The following CUL3 variants were observed in gnomAD, a reference collection of about 807,000 sequenced individuals.
The protein encoded by CUL3 is cullin 3, also known as cullin-3.
A neutral mutation model predicts 89.1 loss-of-function variants in CUL3; 19 were observed. The ratio of observed to expected loss-of-function variants is 0.21; its 90% CI spans 0.15 to 0.31. CUL3 has a LOEUF of 0.31. CUL3 is among the 10% of genes least tolerant of loss of function. The pLI is 1.00. For missense variants in CUL3, 469 were observed against 942.3 expected, an observed-to-expected ratio of 0.50 and a Z score of 6.58; for synonymous variants, 351 against 308.4, an observed-to-expected ratio of 1.14 and a Z score of -1.45.
chr2:224,511,630 G>A, intron 5 of CUL3, 48 bp from the exon 6 acceptor site: 1 of 1,128,986 alleles, frequency 8.9e-7, no homozygotes, highest in South Asian at 1.6e-5. Context: ...AGAAAAGAGT[G>A]TTTTTGCTTT....
At chr2:224,490,360 G>A (rs796837185) in intron 13 of CUL3, among the ~76,000 whole-genome samples, 1 of 152,058 alleles carries the variant, frequency 6.6e-6, no homozygotes, top group South Asian at 2.1e-4. Flanking sequence ...ACAGGGAAGG[G>A]CCCCCTGGCT....
chr2:224,481,778 G>C, intron 14 of CUL3, 114 bp downstream of exon 14: 1 of 650,160 alleles, frequency 1.5e-6, no homozygotes, highest in Admixed American at 4.0e-5. Flanking sequence ...TTAAGCCTAA[G>C]TATCATGCAG....
intron 1 of CUL3, among the ~76,000 whole-genome samples, chr2:224,578,186 A>T (rs955845568): frequency 2.6e-5 from 4 of 152,206 alleles, no homozygotes; most frequent in Admixed American, 2.0e-4. Flanking sequence ...TATGTGTCTA[A>T]ATAGTCATAG....
intron 13 of CUL3, among the ~76,000 whole-genome samples, chr2:224,484,974 C>T (rs1188474738): frequency 6.6e-6 from 1 of 152,096 alleles, no homozygotes; most frequent in Non-Finnish European, 1.5e-5. Context: ...GGGTGCAGCC[C>T]ACAGAGGGTG....
rs375400172 is a variant in CUL3 at position 224,513,517 on chromosome 2, G to A, written c.654+7C>T. 18 of 1,431,278 alleles carry A rather than the reference G, an allele frequency of 1.3e-5. No individual in the cohort carries two copies. Among genetic ancestry groups the A allele is most frequent in the Middle Eastern group, 1.8e-4 (1 of 5,658 alleles). 88.7% of individuals were successfully genotyped at this position (1,431,278 alleles called of 1,614,324 possible). On this transcript the variant is annotated splice_region_variant and intron_variant, in intron 5 of 15. Coordinates refer to ENST00000264414, the MANE Select transcript of CUL3 (RefSeq NM_003590.5). ...AAAGATTATTTATTTACATTTTCACGGATTACCTGAAAAAATTCTGCAGAC... is the reference window on the plus strand; with the variant it reads ...AAAGATTATTTATTTACATTTTCACAGATTACCTGAAAAAATTCTGCAGAC...
intron 1 of CUL3, among the ~76,000 whole-genome samples, chr2:224,564,948 C>A (rs1014987525): frequency 1.3e-5 from 2 of 151,938 alleles, no homozygotes; most frequent in Non-Finnish European, 2.9e-5. Flanking sequence ...TTTTTCTTAT[C>A]TCTCATCTCC....
chr2:224,496,518 A>C (rs1001330720), intron 12 of CUL3, among the ~76,000 whole-genome samples: 27 of 152,360 alleles, frequency 1.8e-4, no homozygotes, highest in African/African-American at 6.5e-4. Flanking sequence ...TATCTGAACA[A>C]GTAACTAATC....
chr2:224,536,266 C>A (rs996563302), intron 2 of CUL3, among the ~76,000 whole-genome samples: 2 of 152,208 alleles, frequency 1.3e-5, no homozygotes, highest in African/African-American at 4.8e-5. Context: ...GGCCTCTTTA[C>A]TAAATACAGC....
rs2106130806 is a variant in CUL3, at chr2:224,473,477, A to G, written c.*768T>C. The stretch of plus-strand genomic sequence containing the variant: ...AAAACACCACCCTATACAATCCACT[A>G]TTAGCAGTGAGTACAACAGCAAAAA... On this transcript the variant is annotated 3_prime_UTR_variant, in exon 16 of 16. Transcript: ENST00000264414. The G allele has an allele frequency of 5.4e-6, 1 of 183,966 alleles. No homozygotes were observed. Among genetic ancestry groups the G allele is most frequent in the South Asian group, 2.0e-4 (1 of 5,080 alleles). The allele number at this position is 183,966 out of a possible 1,614,324, so 11.4% of individuals were successfully genotyped here. A position where few individuals can be genotyped will look rare whatever the true frequency, so the allele number is the denominator to read the frequency against.
chr2:224,523,011 A>G (rs1346860418), intron 3 of CUL3, among the ~76,000 whole-genome samples: 4 of 152,318 alleles, frequency 2.6e-5, no homozygotes, highest in African/African-American at 9.6e-5. Flanking sequence ...ACTGTTCTCT[A>G]CTTCAAATTT....
intron 1 of CUL3, among the ~76,000 whole-genome samples, chr2:224,578,851 A>AT (rs1695371552): frequency 6.6e-6 from 1 of 152,174 alleles, no homozygotes; most frequent in Non-Finnish European, 1.5e-5. Context: ...CCCCCAATGT[A>AT]TAATATAAAA....
At chr2:224,536,670 T>C (rs1164917602) in intron 2 of CUL3, among the ~76,000 whole-genome samples, 2 of 152,228 alleles carry the variant, frequency 1.3e-5, no homozygotes, top group African/African-American at 4.8e-5. Flanking sequence ...CCCTTGAGCC[T>C]GAAATGTCTT....
chr2:224,572,695 C>T (rs928577223), intron 1 of CUL3, among the ~76,000 whole-genome samples: 3 of 150,852 alleles, frequency 2.0e-5, no homozygotes, highest in Non-Finnish European at 4.4e-5. Flanking sequence ...GGGTAGAACC[C>T]TTGTGAATGG....
chr2:224,491,029 T>C (rs1691951886), intron 13 of CUL3, among the ~76,000 whole-genome samples: 1 of 152,212 alleles, frequency 6.6e-6, no homozygotes, highest in Non-Finnish European at 1.5e-5. Context: ...TATGTTTTGT[T>C]ATTAGGACAA....
intron 1 of CUL3, among the ~76,000 whole-genome samples, chr2:224,570,898 G>C (rs1050479752): frequency 2.6e-5 from 4 of 152,168 alleles, no homozygotes; most frequent in Non-Finnish European, 4.4e-5. Context: ...AAAGACACAA[G>C]GTCAAGCTTC....
rs757584952 is a variant in CUL3 at position 224,511,438 on chromosome 2, C to G, written c.799G>C (p.Glu267Gln). ...EEPIVKVVER[E>Q]LISKHMKTIV... ...GTCTTCATGTGCTTGGAAATGAGTT[C>G]CCTTTCAACCACCTTTACAATTGGT... Residue 267 changes from glutamate to glutamine, a missense_variant, in exon 6 of 16, where the codon GAA becomes CAA. Transcript: ENST00000264414. The G allele has an allele frequency of 4.3e-6, 7 of 1,613,892 alleles. No homozygotes were observed. Among genetic ancestry groups the G allele is most frequent in the Non-Finnish European group, 5.9e-6 (7 of 1,179,892 alleles).
chr2:224,510,244 C>A (rs942062207), intron 6 of CUL3, among the ~76,000 whole-genome samples: 6 of 129,214 alleles, frequency 4.6e-5, no homozygotes, highest in Admixed American at 8.3e-5. Flanking sequence ...TTGGCTTTTA[C>A]AAAAAAGGTT....
At chr2:224,541,081 G>C (rs1694085097) in intron 2 of CUL3, among the ~76,000 whole-genome samples, 1 of 151,820 alleles carries the variant, frequency 6.6e-6, no homozygotes, top group Non-Finnish European at 1.5e-5. Context: ...GATACCAAAA[G>C]CATAATTTAT....
At chr2:224,530,045 T>C (rs751976866) in intron 3 of CUL3, among the ~76,000 whole-genome samples, 36 of 152,072 alleles carry the variant, frequency 2.4e-4, no homozygotes, top group Non-Finnish European at 4.6e-4. Context: ...GAGACCATGA[T>C]GGCTAACACA....
Sources: allele counts gnomAD v4.1 joint callset (sites outside exome capture counted in the v4.1 genomes callset), GRCh38; gene constraint gnomAD v4.1.1; transcripts MANE v1.5; gene names NCBI Gene and HGNC (gene_info 2026-07-23, HGNC 2026-07-21).